Variants in C10orf90 observed in about 807,000 individuals in gnomAD.
C10orf90 encodes the protein (E2-independent) E3 ubiquitin-conjugating enzyme FATS.
Under a neutral mutation model 62.5 loss-of-function variants are expected in C10orf90, and 56 were observed. That is an observed-to-expected ratio of 0.90 (90% CI 0.72 to 1.12). The LOEUF (loss-of-function observed/expected upper bound fraction) is 1.12. C10orf90 is among the 50% of genes most tolerant of loss of function. C10orf90 has a pLI of 0.00. For missense variants in C10orf90, 970 were observed against 880.4 expected, an observed-to-expected ratio of 1.10 and a Z score of -1.29; for synonymous variants, 386 against 340.4, an observed-to-expected ratio of 1.13 and a Z score of -1.47.
At chr10:126,608,127 G>A (rs1845353400) in intron 2 of C10orf90, among the ~76,000 whole-genome samples, 1 of 152,102 alleles carries the variant, frequency 6.6e-6, no homozygotes, top group Non-Finnish European at 1.5e-5. Context: ...TATTCTTTTG[G>A]ACACAGGGTC....
At chr10:126,470,053 A>G (rs1201995159) in intron 4 of C10orf90, 1 of 455,216 alleles carries the variant, frequency 2.2e-6, no homozygotes. Flanking sequence ...GCTGCAGAGA[A>G]GGAGGGAAGG....
intron 1 of C10orf90, among the ~76,000 whole-genome samples, chr10:126,660,145 G>T (rs1005341552): frequency 6.6e-6 from 1 of 152,168 alleles, no homozygotes; most frequent in African/African-American, 2.4e-5. Flanking sequence ...GATTCCCCTT[G>T]GTGTACACGC....
At position 126,503,964 on chromosome 10, in the gene C10orf90, G is replaced by A. The variant is rs1184156493; in HGVS notation, c.1527C>T (p.Tyr509=). ...QLSIHIPGWS[Y]RAVHTKVFSG... is the part of the protein sequence containing the mutation. ...GATGGACGCACCACTCACCTGCCCT[G>A]TAACTCCAGCCAGGAATGTGAATGG... The change falls in exon 4 of 10, where the codon TAC becomes TAT. Residue 509 remains tyrosine, a synonymous_variant. Transcript: ENST00000488181. 6.2e-7 allele frequency: 1 copy of A among 1,609,834 alleles called. No homozygotes were observed. Among genetic ancestry groups the A allele is most frequent in the East Asian group, 2.2e-5 (1 of 44,848 alleles).
intron 2 of C10orf90, among the ~76,000 whole-genome samples, chr10:126,574,177 T>C (rs1022372976): frequency 2.0e-5 from 3 of 152,166 alleles, no homozygotes; most frequent in Non-Finnish European, 4.4e-5. Flanking sequence ...ACATAAAAAA[T>C]TGGAATGTTG....
chr10:126,593,909 C>T (rs1277585010), intron 2 of C10orf90, among the ~76,000 whole-genome samples: 1 of 151,910 alleles, frequency 6.6e-6, no homozygotes, highest in Non-Finnish European at 1.5e-5. Flanking sequence ...CTGCCATAAT[C>T]CTGCATGGAG....
chr10:126,589,180 C>G (rs985156139), intron 2 of C10orf90, among the ~76,000 whole-genome samples: 1 of 152,064 alleles, frequency 6.6e-6, no homozygotes, highest in Non-Finnish European at 1.5e-5. Context: ...AAGGAATGAA[C>G]AAAACCTCTG....
intron 2 of C10orf90, among the ~76,000 whole-genome samples, chr10:126,622,032 G>T (rs575258381): frequency 4.0e-5 from 6 of 151,826 alleles, no homozygotes; most frequent in Admixed American, 6.6e-5. Flanking sequence ...TATCCCTCCC[G>T]TGGGTTGGTT....
intron 2 of C10orf90, among the ~76,000 whole-genome samples, chr10:126,615,687 A>G (rs1845526743): frequency 6.6e-6 from 1 of 152,120 alleles, no homozygotes; most frequent in Non-Finnish European, 1.5e-5. Context: ...AGGGACCAAA[A>G]ATGAGTAAGA....
chr10:126,563,026 A>G (rs1864938331), intron 2 of C10orf90, among the ~76,000 whole-genome samples: 1 of 152,170 alleles, frequency 6.6e-6, no homozygotes, highest in Non-Finnish European at 1.5e-5. Flanking sequence ...GTGACATCAC[A>G]CATGCACATG....
At chr10:126,649,079 C>G (rs376198048) in intron 1 of C10orf90, among the ~76,000 whole-genome samples, 3 of 108,796 alleles carry the variant, frequency 2.8e-5, no homozygotes, top group East Asian at 3.0e-4. Context: ...TCTCCCCCCC[C>G]CCCAGCAATT....
intron 7 of C10orf90, among the ~76,000 whole-genome samples, chr10:126,439,178 C>T (rs926319395): frequency 6.6e-6 from 1 of 152,328 alleles, no homozygotes; most frequent in South Asian, 2.1e-4. Context: ...TAGACATCCA[C>T]AGCCTTGGCC....
At chr10:126,580,835 G>A (rs1844734696) in intron 2 of C10orf90, among the ~76,000 whole-genome samples, 1 of 151,432 alleles carries the variant, frequency 6.6e-6, no homozygotes, top group African/African-American at 2.5e-5. Context: ...GCATGTTCAT[G>A]TGTATGAGTG....
At chr10:126,582,745 T>C (rs1463224557) in intron 2 of C10orf90, among the ~76,000 whole-genome samples, 2 of 152,212 alleles carry the variant, frequency 1.3e-5, no homozygotes, top group Non-Finnish European at 2.9e-5. Context: ...ATAAAAATGA[T>C]GCAATCCAGA....
intron 2 of C10orf90, among the ~76,000 whole-genome samples, chr10:126,536,129 G>A (rs945049717): frequency 2.0e-5 from 3 of 152,146 alleles, no homozygotes; most frequent in Non-Finnish European, 4.4e-5. Context: ...GGGAACAGTG[G>A]GCCTCCTTCG....
chr10:126,510,674 C>T (rs1271710822), intron 3 of C10orf90, among the ~76,000 whole-genome samples: 1 of 152,164 alleles, frequency 6.6e-6, no homozygotes, highest in Admixed American at 6.5e-5. Flanking sequence ...TTTTCTTTCT[C>T]ATAGATGCTG....
At chr10:126,553,068 A>G (rs1301860531) in intron 2 of C10orf90, among the ~76,000 whole-genome samples, 2 of 152,224 alleles carry the variant, frequency 1.3e-5, no homozygotes. Flanking sequence ...ATGCTTCTAA[A>G]AGAAAACATA....
chr10:126,663,108 G>T (rs1421280549), intron 1 of C10orf90, among the ~76,000 whole-genome samples: 1 of 152,184 alleles, frequency 6.6e-6, no homozygotes, highest in Non-Finnish European at 1.5e-5. Flanking sequence ...ACCTAGAGTG[G>T]CAAAAACAGA....
rs201250262 is a variant in C10orf90 at position 126,447,248 on chromosome 10, T to TA, written c.2188+11791dup. Among the ~76,000 whole-genome samples the TA allele has an allele frequency of 1.8e-3, 265 of 143,858 alleles. 2 individuals carry two copies. Among genetic ancestry groups the TA allele is most frequent in the East Asian group, 0.011 (55 of 5,018 alleles). The allele number at this position is 143,858 out of a possible 152,430, so 94.4% of individuals were successfully genotyped here. A position where few individuals can be genotyped will look rare whatever the true frequency, so the allele number is the denominator to read the frequency against. ...ATATATACTGAGTAGCTCAATGGGT[T>TA]AAAAAAAAAAAAGACCTAATAATAA... is the stretch of plus-strand genomic sequence containing the variant. On this transcript the variant is annotated intron_variant, in intron 7 of 9. Transcript: ENST00000488181.
chr10:126,441,092 G>A (rs562390977), intron 7 of C10orf90, among the ~76,000 whole-genome samples: 2 of 152,252 alleles, frequency 1.3e-5, no homozygotes, highest in East Asian at 1.9e-4. Context: ...AATCAAGGAG[G>A]CACCAGAGAA....
Sources: allele counts gnomAD v4.1 joint callset (sites outside exome capture counted in the v4.1 genomes callset), GRCh38; gene constraint gnomAD v4.1.1; transcripts MANE v1.5; gene names NCBI Gene and HGNC (gene_info 2026-07-23, HGNC 2026-07-21).